FBXW7: variants seen among roughly 807,000 people sequenced by gnomAD.
FBXW7 encodes F-box/WD repeat-containing protein 7.
A neutral mutation model predicts 86.3 loss-of-function variants in FBXW7; 11 were observed. The ratio of observed to expected loss-of-function variants is 0.13; its 90% CI spans 0.08 to 0.21. FBXW7 has a LOEUF of 0.21. Ranked by LOEUF, FBXW7 falls within the 10% of genes least tolerant of loss-of-function variation. The probability of loss-of-function intolerance (pLI) is 1.00; values close to 1 mark genes in which losing one functional copy is unlikely to be tolerated. For synonymous variants in FBXW7, 313 were observed against 297.9 expected (o/e 1.05, Z -0.52); for missense variants, 488 against 847.4 (o/e 0.58, Z 5.27).
chr4:152,323,984 T>C (rs1728783407), intron 13 of FBXW7, 200 bp downstream of exon 13: 1 of 555,254 alleles, frequency 1.8e-6, no homozygotes, highest in African/African-American at 1.9e-5. Context: ...AACAATTTTA[T>C]ATTACATATT....
At chr4:152,400,338 A>G (rs977317351) in intron 4 of FBXW7, among the ~76,000 whole-genome samples, 7 of 152,216 alleles carry the variant, frequency 4.6e-5, no homozygotes, top group Non-Finnish European at 1.0e-4. Context: ...CTCTTAGAAG[A>G]TAACATAAGA....
chr4:152,379,832 A>G (rs1186123687), intron 4 of FBXW7, among the ~76,000 whole-genome samples: 2 of 152,228 alleles, frequency 1.3e-5, no homozygotes, highest in Admixed American at 6.5e-5. Flanking sequence ...CTAATATTAC[A>G]CTTAATAGTA....
rs1206948328 is a variant in FBXW7, at chr4:152,411,266, A to G, written c.501+37T>C. On this transcript the variant is annotated intron_variant, in intron 4 of 13. Coordinates refer to ENST00000281708, the MANE Select transcript of FBXW7 (RefSeq NM_001349798.2). ...TCATTACAATTAAAATAGATATGTA[A>G]AGTTTCTCAGGTTAACAATATATTG... 2.6e-6 allele frequency: 4 copies of G among 1,513,318 alleles called. No individual in the cohort carries two copies. The Admixed American group carries it at 8.7e-5, about 33-fold the overall frequency. The allele number at this position is 1,513,318 out of a possible 1,614,324, so 93.7% of individuals were successfully genotyped here.
intron 4 of FBXW7, among the ~76,000 whole-genome samples, chr4:152,361,965 C>CAAAAA (rs569330155): frequency 1.6e-3 from 56 of 35,196 alleles, no homozygotes; most frequent in Non-Finnish European, 2.2e-3. Context: ...GACTCCATCT[C>CAAAAA]AAAAAAAAAA....
intron 4 of FBXW7, among the ~76,000 whole-genome samples, chr4:152,367,260 G>A (rs1579008317): frequency 6.6e-6 from 1 of 151,896 alleles, no homozygotes; most frequent in African/African-American, 2.4e-5. Context: ...ATGTACCCTA[G>A]AACTTAAAGT....
intron 4 of FBXW7, among the ~76,000 whole-genome samples, chr4:152,400,382 T>C (rs1165499353): frequency 6.6e-6 from 1 of 152,112 alleles, no homozygotes; most frequent in Non-Finnish European, 1.5e-5. Flanking sequence ...TAGACATGAC[T>C]TTTTGCTGGG....
intron 4 of FBXW7, 114 bp from the exon 5 acceptor site, chr4:152,350,238 TTAAA>T: frequency 2.0e-6 from 1 of 492,450 alleles, no homozygotes; most frequent in Non-Finnish European, 3.6e-6. Flanking sequence ...ACAATGTTAA[TTAAA>T]TATATAAAAT....
At chr4:152,509,420 T>C (rs1420580146) in intron 2 of FBXW7, among the ~76,000 whole-genome samples, 3 of 152,214 alleles carry the variant, frequency 2.0e-5, no homozygotes, top group African/African-American at 7.2e-5. Context: ...CAAGTCAGGA[T>C]ACAGTCTCAT....
intron 2 of FBXW7, among the ~76,000 whole-genome samples, chr4:152,484,821 C>T (rs780417351): frequency 6.6e-6 from 1 of 151,826 alleles, no homozygotes; most frequent in Non-Finnish European, 1.5e-5. Context: ...AATTAACCAG[C>T]CATGGTGGCA....
rs189772026 is a variant in FBXW7, at chr4:152,347,046, C to T, written c.610G>A (p.Ala204Thr). ...AGGTCCCCAAAAGTTGTTGGTGTTG[C>T]TGAACATGGTACAAGCCCAGTGGTA... Reference protein sequence around the residue: ...TSTTGLVPCSATPTTFGDLRA... With the variant: ...TSTTGLVPCSTTPTTFGDLRA... Residue 204 changes from alanine (A) to threonine (T), a missense_variant, in exon 6 of 14, where the codon GCA (alanine) becomes ACA (threonine). Physicochemically the swap from Ala to Thr is moderately conservative, Grantham distance 58. Coordinates refer to ENST00000281708, the MANE Select transcript of FBXW7 (RefSeq NM_001349798.2). 30 of 1,606,506 alleles carry T rather than the reference C, an allele frequency of 1.9e-5. No individual in the cohort carries two copies. The East Asian group carries it at 6.1e-4, about 32-fold the overall frequency.
chr4:152,440,132 T>G (rs904858671), intron 2 of FBXW7, among the ~76,000 whole-genome samples: 5 of 152,176 alleles, frequency 3.3e-5, no homozygotes, highest in African/African-American at 9.7e-5. Context: ...ATAGCATAGG[T>G]AGAATATGTG....
In FBXW7 at chr4:152,350,034, A is replaced by C. The variant is rs1731656106; in HGVS notation, c.584+8T>G. The C allele has an allele frequency of 1.4e-6, 2 of 1,441,930 alleles. No homozygotes were observed. The highest frequency in any genetic ancestry group is 3.9e-5 in the Admixed American group (2 of 51,094). 89.3% of individuals were successfully genotyped at this position (1,441,930 alleles called of 1,614,324 possible). On this transcript the variant is annotated splice_region_variant and intron_variant, in intron 5 of 13. Coordinates refer to ENST00000281708, the MANE Select transcript of FBXW7 (RefSeq NM_001349798.2). The stretch of plus-strand genomic sequence containing the variant: ...GAATCATGAGATAATCATTATATTT[A>C]ATATTACCTTGTATATTCTGAGACT...
At chr4:152,527,901 C>CACACACACACACACACACACACACAT (rs71596295) in intron 2 of FBXW7, among the ~76,000 whole-genome samples, 3 of 149,188 alleles carry the variant, frequency 2.0e-5, no homozygotes, top group African/African-American at 7.4e-5. Context: ...CACACACACA[C>CACACACACACACACACACACACACAT]ATATATATAC....
chr4:152,502,882 T>C (rs981439535), intron 2 of FBXW7, among the ~76,000 whole-genome samples: 17 of 152,222 alleles, frequency 1.1e-4, no homozygotes, highest in Non-Finnish European at 1.5e-5. Flanking sequence ...ATAAGAACTT[T>C]CTGCTCTACA....
chr4:152,493,997 T>C (rs1182542698), intron 2 of FBXW7, among the ~76,000 whole-genome samples: 1 of 152,206 alleles, frequency 6.6e-6, no homozygotes, highest in Non-Finnish European at 1.5e-5. Flanking sequence ...AACAATAATT[T>C]CTAGCATTTG....
intron 4 of FBXW7, among the ~76,000 whole-genome samples, chr4:152,381,574 G>A (rs923699280): frequency 2.0e-5 from 3 of 152,038 alleles, no homozygotes; most frequent in East Asian, 1.9e-4. Context: ...AGAGGAGTAC[G>A]TAATCCTGAG....
chr4:152,349,140 T>C (rs80018860), intron 5 of FBXW7, among the ~76,000 whole-genome samples: 2,224 of 152,174 alleles, frequency 0.015, 28 homozygotes, highest in Middle Eastern at 0.037. Flanking sequence ...AAAAAAATTA[T>C]ATCTGAGCAA....
chr4:152,504,827 T>C (rs570226937), intron 2 of FBXW7, among the ~76,000 whole-genome samples: 1 of 152,188 alleles, frequency 6.6e-6, no homozygotes, highest in Non-Finnish European at 1.5e-5. Context: ...ATTTTTTTTA[T>C]AAATTATGTT....
chr4:152,395,600 A>G (rs1466881635), intron 4 of FBXW7, among the ~76,000 whole-genome samples: 2 of 152,068 alleles, frequency 1.3e-5, no homozygotes, highest in East Asian at 3.8e-4. Context: ...AGTACACCAA[A>G]CTCATAAGGA....
Sources: gnomAD v4.1 joint callset for allele counts (sites outside exome capture counted in the v4.1 genomes callset) on GRCh38, gnomAD v4.1.1 for gene constraint, MANE v1.5 for transcripts, NCBI Gene and HGNC (gene_info 2026-07-23, HGNC 2026-07-21) for gene names.